DMD: variants seen among roughly 807,000 people sequenced by gnomAD.
The protein encoded by DMD is mutant dystrophin.
DMD carries 63 observed loss-of-function variants against 330.1 expected under a neutral mutation model. The observed-to-expected ratio is 0.19, with a 90% CI of 0.16 to 0.24. DMD has a LOEUF of 0.24. Ranked by LOEUF, DMD falls within the 10% of genes least tolerant of loss-of-function variation. The pLI is 1.00. For missense variants in DMD, 3,344 were observed against 2,684.1 expected (o/e 1.25, Z -5.43); for synonymous variants, 1,223 against 959.8 (o/e 1.27, Z -5.07).
intron 60 of DMD, among the ~76,000 whole-genome samples, chrX:31,371,862 G>A (rs1179662228): frequency 8.9e-6 from 1 of 112,571 alleles, no homozygotes; most frequent in African/African-American, 3.2e-5. Context: ...AGGTACTGAA[G>A]TTGGACTGCC....
intron 1 of DMD, among the ~76,000 whole-genome samples, chrX:33,318,592 C>A (rs1222827130): frequency 9.3e-6 from 1 of 107,994 alleles, no homozygotes; most frequent in Non-Finnish European, 1.9e-5. Flanking sequence ...CCACCATGCC[C>A]AGCAAAATTT....
rs776581134 is a variant in DMD at position 31,627,216 on chromosome X, T to C, written c.8217+457A>G. Among the ~76,000 whole-genome samples, 55 of 112,971 alleles carry C rather than the reference T, an allele frequency of 4.9e-4. 1 individual carries two copies. Among genetic ancestry groups the C allele is most frequent in the Admixed American group, 4.5e-3 (48 of 10,698 alleles). ...TCACAGATCATGTTAGGAAGAAAGCTACAAAATGCCAGATTAACATTTCAA... is the reference window on the plus strand; with the variant it reads ...TCACAGATCATGTTAGGAAGAAAGCCACAAAATGCCAGATTAACATTTCAA... On this transcript the variant is annotated intron_variant, in intron 55 of 78. Coordinates refer to ENST00000357033, the MANE Select transcript of DMD (RefSeq NM_004006.3).
At chrX:31,244,712 T>TA (rs889630767) in intron 63 of DMD, among the ~76,000 whole-genome samples, 1 of 111,836 alleles carries the variant, frequency 8.9e-6, no homozygotes, top group Admixed American at 9.5e-5. Flanking sequence ...AACAACTATA[T>TA]AAAAATGCAT....
At chrX:32,435,791 C>T (rs747583566) in intron 29 of DMD, among the ~76,000 whole-genome samples, 234 of 111,266 alleles carry the variant, frequency 2.1e-3, no homozygotes, top group South Asian at 6.9e-3. Context: ...CCACTTTACC[C>T]AGAAGACTTT....
In DMD at chrX:31,213,253, C is replaced by G. The variant is rs1407286089; in HGVS notation, c.9362-3554G>C. On this transcript the variant is annotated intron_variant, in intron 64 of 78. Transcript: ENST00000357033. ...TAAAATATCTACACAGTGCAGAGCC[C>G]TGGTCAAAGCACTTGCTTTTCAAAG... is the stretch of plus-strand genomic sequence containing the variant. 5.3e-5 allele frequency among the ~76,000 whole-genome samples: 6 copies of G among 112,720 alleles called. No individual in the cohort carries two copies. In the East Asian group the frequency reaches 1.7e-3, roughly 31 times the overall value.
intron 62 of DMD, among the ~76,000 whole-genome samples, chrX:31,292,702 G>C (rs2053794241): frequency 9.0e-6 from 1 of 111,601 alleles, no homozygotes; most frequent in African/African-American, 3.3e-5. Context: ...AAACTGGAAA[G>C]AACCAAAATG....
chrX:32,740,047 C>T (rs2069035171), intron 7 of DMD, among the ~76,000 whole-genome samples: 1 of 109,229 alleles, frequency 9.2e-6, no homozygotes, highest in Non-Finnish European at 1.9e-5. Context: ...TTGATATGGC[C>T]ATGTGACTTA....
intron 55 of DMD, among the ~76,000 whole-genome samples, chrX:31,535,121 GA>G (rs2074045289): frequency 1.2e-4 from 1 of 8,520 alleles, no homozygotes; most frequent in African/African-American, 6.1e-4. Context: ...TTTCTTCACA[GA>G]ATTGGAAAAA....
intron 1 of DMD, among the ~76,000 whole-genome samples, chrX:33,313,941 T>C (rs767148912): frequency 8.1e-5 from 9 of 111,106 alleles, no homozygotes; most frequent in Non-Finnish European, 1.7e-4. Context: ...CACATATTTG[T>C]GAGCTGTCAT....
chrX:32,630,903 G>A (rs1372980772), intron 11 of DMD, among the ~76,000 whole-genome samples: 1 of 111,669 alleles, frequency 9.0e-6, no homozygotes, highest in Non-Finnish European at 1.9e-5. Context: ...CAATGTCTGG[G>A]CATTGAAGAC....
intron 13 of DMD, among the ~76,000 whole-genome samples, chrX:32,588,299 G>T (rs1291615671): frequency 8.9e-6 from 1 of 111,935 alleles, no homozygotes; most frequent in Non-Finnish European, 1.9e-5. Context: ...GCACAAAGAG[G>T]GAGTAGTCAT....
At chrX:32,731,622 T>A (rs1285340552) in intron 7 of DMD, among the ~76,000 whole-genome samples, 1 of 111,942 alleles carries the variant, frequency 8.9e-6, no homozygotes, top group Non-Finnish European at 1.9e-5. Context: ...CCGAGCACCC[T>A]AACTGGGAGG....
intron 61 of DMD, among the ~76,000 whole-genome samples, chrX:31,334,482 A>C (rs906618288): frequency 4.5e-5 from 5 of 111,730 alleles, no homozygotes; most frequent in Non-Finnish European, 9.4e-5. Context: ...CCTCCCTTCC[A>C]TTCTACTCCC....
At chrX:31,299,631 C>T (rs994693986) in intron 62 of DMD, among the ~76,000 whole-genome samples, 1 of 109,732 alleles carries the variant, frequency 9.1e-6, no homozygotes, top group Admixed American at 9.7e-5. Flanking sequence ...CAAAAATTAG[C>T]TGGGTATGGT....
At chrX:31,867,381 A>G (rs940350764) in intron 48 of DMD, among the ~76,000 whole-genome samples, 15 of 110,806 alleles carry the variant, frequency 1.4e-4, no homozygotes, top group African/African-American at 3.9e-4. Context: ...TATTTTTGAA[A>G]TCTTTTATTG....
rs1175307242 is a variant in DMD, at chrX:33,249,673, C to T, written c.7+89586G>A. Among the ~76,000 whole-genome samples, 7 of 111,601 alleles carry T rather than the reference C, an allele frequency of 6.3e-5. No individual in the cohort carries two copies. The Admixed American group carries it at 6.7e-4, about 11-fold the overall frequency. On this transcript the variant is annotated intron_variant, in intron 1 of 17. Transcript: ENST00000288447. ...CAAAAATGCAAGGAATTGAAAATAA[C>T]CTATGTCCAATCATGTTGCACTTTT...
chrX:31,679,401 T>C lies in DMD; in HGVS notation c.7846A>G (p.Ile2616Val). The change falls in exon 53 of 79, where the codon ATC becomes GTC. Residue 2616 changes from isoleucine (I) to valine (V), a missense_variant. By Grantham distance (29) the Ile-to-Val change is conservative (BLOSUM62 3). Coordinates refer to ENST00000357033, the MANE Select transcript of DMD (RefSeq NM_004006.3). Reference protein sequence around the residue: ...WKEGPYTVDAIQKKITETKQL... With the variant: ...WKEGPYTVDAVQKKITETKQL... ...TTGGTTTCTGTGATTTTCTTTTGGA[T>C]TGCATCTACTGTATAGGGACCCTCC... 8.3e-7 allele frequency: 1 copy of C among 1,209,983 alleles called. No homozygotes were observed. The highest frequency in any genetic ancestry group is 1.1e-6 in the Non-Finnish European group (1 of 894,460).
intron 53 of DMD, among the ~76,000 whole-genome samples, chrX:31,667,420 A>G (rs1475214501): frequency 9.1e-6 from 1 of 110,404 alleles, no homozygotes; most frequent in Non-Finnish European, 1.9e-5. Flanking sequence ...GTACATATGT[A>G]TTTTTATTTC....
chrX:31,497,087 GC>G, intron 56 of DMD, 143 bp from the exon 57 acceptor site: 2 of 740,716 alleles, frequency 2.7e-6, no homozygotes, highest in Non-Finnish European at 4.0e-6. Flanking sequence ...ACTTTTGAGA[GC>G]CACAAAACAG....
Sources: allele counts gnomAD v4.1 joint callset (sites outside exome capture counted in the v4.1 genomes callset), GRCh38; gene constraint gnomAD v4.1.1; transcripts MANE v1.5; gene names NCBI Gene and HGNC (gene_info 2026-07-23, HGNC 2026-07-21).